Variants in TDRD5 observed in about 807,000 individuals in gnomAD.
TDRD5 encodes tudor domain containing 5.
TDRD5 carries 41 observed loss-of-function variants against 120.6 expected under a neutral mutation model. The observed-to-expected ratio is 0.34, with a 90% CI of 0.26 to 0.44. The LOEUF is 0.44. Ranked by LOEUF, TDRD5 falls within the 20% of genes least tolerant of loss-of-function variation. The pLI is 1.00. For synonymous variants in TDRD5, 430 were observed against 433.7 expected (o/e 0.99, Z 0.11); for missense variants, 1,006 against 1,221.2 (o/e 0.82, Z 2.63).
At chr1:179,674,205 C>T (rs1572430487) in intron 17 of TDRD5, among the ~76,000 whole-genome samples, 1 of 152,058 alleles carries the variant, frequency 6.6e-6, no homozygotes, top group African/African-American at 2.4e-5. Context: ...GATTTTATTA[C>T]CTTAAGGTAT....
intron 17 of TDRD5, among the ~76,000 whole-genome samples, chr1:179,676,441 G>A (rs866154394): frequency 7.2e-5 from 11 of 151,974 alleles, no homozygotes; most frequent in African/African-American, 1.2e-4. Context: ...TTATTGTTAC[G>A]TAGGTCCTGT....
At chr1:179,681,435 AT>A (rs1259132622) in intron 17 of TDRD5, among the ~76,000 whole-genome samples, 1 of 152,176 alleles carries the variant, frequency 6.6e-6, no homozygotes, top group Non-Finnish European at 1.5e-5. Flanking sequence ...TATCAAAAAT[AT>A]CCAGTTCTTG....
intron 14 of TDRD5, among the ~76,000 whole-genome samples, chr1:179,657,038 C>A (rs1679043321): frequency 6.6e-6 from 1 of 152,148 alleles, no homozygotes; most frequent in East Asian, 1.9e-4. Context: ...GCCTGGACGA[C>A]AAGAGCAAAA....
intron 16 of TDRD5, among the ~76,000 whole-genome samples, chr1:179,666,366 T>C (rs1679552533): frequency 6.6e-6 from 1 of 152,242 alleles, no homozygotes; most frequent in Non-Finnish European, 1.5e-5. Context: ...TATCTATTTT[T>C]AAGATTTCAT....
intron 6 of TDRD5, among the ~76,000 whole-genome samples, chr1:179,623,888 C>T (rs1375672576): frequency 6.6e-6 from 1 of 152,056 alleles, no homozygotes; most frequent in African/African-American, 2.4e-5. Flanking sequence ...GTCCTTCTAT[C>T]TCAGCCTCCC....
At chr1:179,601,142 T>TG (rs1553320201) in intron 4 of TDRD5, among the ~76,000 whole-genome samples, 1 of 12,760 alleles carries the variant, frequency 7.8e-5, no homozygotes, top group African/African-American at 2.9e-4. Flanking sequence ...TCTTTTTAAC[T>TG]TTTTTAATGA....
chr1:179,679,737 C>G (rs528986592), intron 17 of TDRD5, among the ~76,000 whole-genome samples: 1 of 151,580 alleles, frequency 6.6e-6, no homozygotes, highest in Admixed American at 6.6e-5. Flanking sequence ...TTTTTCCCCC[C>G]GATCTAGAGG....
chr1:179,650,956 A>G lies in TDRD5; in HGVS notation c.1890A>G (p.Gly630=), dbSNP rs760957591. ...LVGVVDEYVD[G]ILNIFLCDTS... ...GGGTAGTGGATGAATATGTAGATGG[A>G]ATCCTTAACATTTTTTTGTGTGACA... The change falls in exon 12 of 18, where the codon GGA becomes GGG. Residue 630 remains glycine (G), a synonymous_variant. Transcript: ENST00000444136. 6.2e-7 allele frequency: 1 copy of G among 1,614,044 alleles called. No individual in the cohort carries two copies. Among genetic ancestry groups the G allele is most frequent in the African/African-American group, 1.3e-5 (1 of 74,926 alleles).
intron 11 of TDRD5, among the ~76,000 whole-genome samples, chr1:179,646,422 C>A (rs1678367225): frequency 6.6e-6 from 1 of 152,036 alleles, no homozygotes; most frequent in Non-Finnish European, 1.5e-5. Flanking sequence ...GCTAAAAACT[C>A]TCAATAAATT....
chr1:179,674,402 T>C (rs1211907601), intron 17 of TDRD5, among the ~76,000 whole-genome samples: 1 of 152,220 alleles, frequency 6.6e-6, no homozygotes, highest in Non-Finnish European at 1.5e-5. Flanking sequence ...CCTCTGACCA[T>C]GGTGGATTAT....
rs781197474 is a variant in TDRD5 at position 179,652,159 on chromosome 1, A to G, written c.2122A>G (p.Ile708Val). ...QQHYFNEDRKISPQSKESELR... is the reference protein window; with the variant it reads ...QQHYFNEDRKVSPQSKESELR... ...GCACTATTTTAATGAAGACCGAAAG[A>G]TAAGTCCACAGTCAAAAGAGAGTGA... The change falls in exon 13 of 18, where the codon ATA becomes GTA. Residue 708 changes from isoleucine (I) to valine (V), a missense_variant. Ile to Val is a conservative substitution (Grantham distance 29). Around this residue, in one of 3 missense-constraint regions of TDRD5, gnomAD observed 403 missense variants for 448.1 expected, o/e 0.90. Transcript: ENST00000444136. 4.6e-5 allele frequency: 74 copies of G among 1,613,724 alleles called. No homozygotes were observed. The highest frequency in any genetic ancestry group is 5.8e-5 in the Non-Finnish European group (68 of 1,179,946).
At chr1:179,592,467 C>T in intron 1 of TDRD5, 135 bp from the exon 2 acceptor site, 3 of 666,840 alleles carry the variant, frequency 4.5e-6, no homozygotes, top group Non-Finnish European at 7.6e-6. Context: ...AGCCGCAGGG[C>T]ACCCTCATAC....
rs142942192 is a variant in TDRD5 at position 179,678,340 on chromosome 1, G to A, written c.2860+8936G>A. 1.3e-3 allele frequency among the ~76,000 whole-genome samples: 193 copies of A among 152,238 alleles called. 1 individual carries two copies. The highest frequency in any genetic ancestry group is 4.3e-3 in the African/African-American group (179 of 41,552). ...TTTGCCCCAGACCATGAGCCTCCCC[G>A]TTGAGAAAGCAAGCAGACTCACAGT... is the stretch of plus-strand genomic sequence containing the variant. On this transcript the variant is annotated intron_variant, in intron 17 of 17. Transcript: ENST00000444136.
chr1:179,625,339 T>C (rs1432794022), intron 6 of TDRD5, among the ~76,000 whole-genome samples: 1 of 152,086 alleles, frequency 6.6e-6, no homozygotes, highest in African/African-American at 2.4e-5. Flanking sequence ...TCATCAAAAT[T>C]AGCTTCTATT....
At chr1:179,603,725 C>G (rs940972752) in intron 4 of TDRD5, among the ~76,000 whole-genome samples, 24 of 152,168 alleles carry the variant, frequency 1.6e-4, no homozygotes, top group African/African-American at 5.6e-4. Context: ...TGGTATGAAA[C>G]TCACTTGATC....
At position 179,593,702 on chromosome 1, in the gene TDRD5, A is replaced by G. The variant is rs1303075159; in HGVS notation, c.475A>G (p.Lys159Glu). ...TTCTGATTTTGAAAAGGCATTTGCC[A>G]AAAGATTTGGACGATCATTCCAATA... ...LLSDFEKAFA[K>E]RFGRSFQYMQ... The change falls in exon 3 of 18, where the codon AAA becomes GAA. Residue 159 changes from lysine to glutamate, a missense_variant. Lys to Glu is a moderately conservative substitution (Grantham distance 56, BLOSUM62 1). Around this residue, in one of 3 missense-constraint regions of TDRD5, gnomAD observed 445 missense variants for 515.5 expected, o/e 0.86. Transcript: ENST00000444136. 2 of 1,614,258 alleles carry G rather than the reference A, an allele frequency of 1.2e-6. No homozygotes were observed. The highest frequency in any genetic ancestry group is 1.7e-6 in the Non-Finnish European group (2 of 1,180,044).
intron 4 of TDRD5, among the ~76,000 whole-genome samples, chr1:179,599,286 T>C (rs1675568684): frequency 6.6e-6 from 1 of 152,142 alleles, no homozygotes; most frequent in Non-Finnish European, 1.5e-5. Context: ...AGATATATTC[T>C]GTAGTTTTCT....
At position 179,663,396 on chromosome 1, in the gene TDRD5, C is replaced by G; in HGVS notation, c.2554C>G (p.Pro852Ala). The G allele has an allele frequency of 6.2e-7, 1 of 1,613,624 alleles. No homozygotes were observed. Among genetic ancestry groups the G allele is most frequent in the Non-Finnish European group, 8.5e-7 (1 of 1,179,838 alleles). ...AGATACATGGGATGATTCTTGGCAG[C>G]CTTCAGGCCTTGTAAATGGAACGAA... ...PKDTWDDSWQ[P>A]SGLVNGTKVE... The change falls in exon 16 of 18, where the codon CCT becomes GCT. Residue 852 changes from proline (P) to alanine (A), a missense_variant. By Grantham distance (27) the Pro-to-Ala change is conservative. Coordinates refer to ENST00000444136, the MANE Select transcript of TDRD5 (RefSeq NM_001199085.3).
At chr1:179,688,858 G>A (rs529354513) in intron 17 of TDRD5, among the ~76,000 whole-genome samples, 1 of 152,260 alleles carries the variant, frequency 6.6e-6, no homozygotes, top group South Asian at 2.1e-4. Context: ...GCTTGTGCAT[G>A]CATCACGCAG....
Sources: allele counts gnomAD v4.1 joint callset (sites outside exome capture counted in the v4.1 genomes callset), GRCh38; gene constraint gnomAD v4.1.1; regional missense constraint gnomAD v4.1.1; transcripts MANE v1.5; gene names NCBI Gene and HGNC (gene_info 2026-07-23, HGNC 2026-07-21).